The following ANKFN1 variants were observed in gnomAD, a reference collection of about 807,000 sequenced individuals.
ANKFN1 encodes ankyrin repeat and fibronectin type III domain containing 1.
In ANKFN1, 74 loss-of-function variants were observed where a neutral mutation model predicts 108.7. The ratio of observed to expected loss-of-function variants is 0.68; its 90% CI spans 0.56 to 0.83. The LOEUF (loss-of-function observed/expected upper bound fraction) is 0.83. ANKFN1 is among the 40% of genes least tolerant of loss of function. The pLI is 0.00. For synonymous variants in ANKFN1, 547 were observed against 516.2 expected (o/e 1.06, Z -0.81); for missense variants, 1,505 against 1,382.3 (o/e 1.09, Z -1.41).
chr17:56,143,258 A>G (rs1380604703), intron 4 of ANKFN1, among the ~76,000 whole-genome samples: 1 of 152,194 alleles, frequency 6.6e-6, no homozygotes, highest in East Asian at 1.9e-4. Context: ...TATCAAAGGC[A>G]GTGGTGGAGA....
At chr17:56,423,624 G>T (rs2048475809) in intron 8 of ANKFN1, among the ~76,000 whole-genome samples, 1 of 151,908 alleles carries the variant, frequency 6.6e-6, no homozygotes, top group Non-Finnish European at 1.5e-5. Flanking sequence ...AAATTTTTCA[G>T]CTCTCAATCT....
intron 4 of ANKFN1, among the ~76,000 whole-genome samples, chr17:56,119,667 G>A (rs1355046578): frequency 6.6e-6 from 1 of 152,140 alleles, no homozygotes; most frequent in East Asian, 1.9e-4. Context: ...AATGATTTAT[G>A]TTCCAAGTTC....
intron 11 of ANKFN1, among the ~76,000 whole-genome samples, chr17:56,450,526 C>T (rs1198595369): frequency 6.6e-6 from 1 of 152,146 alleles, no homozygotes; most frequent in Non-Finnish European, 1.5e-5. Flanking sequence ...GATTTCCATT[C>T]CCAGATCTCT....
intron 4 of ANKFN1, among the ~76,000 whole-genome samples, chr17:56,094,650 C>T (rs1342253830): frequency 3.6e-5 from 4 of 110,776 alleles, no homozygotes; most frequent in Non-Finnish European, 8.3e-5. Flanking sequence ...ACTACAGGCG[C>T]ACACCACCAC....
chr17:56,165,797 G>A (rs1910086789), intron 1 of ANKFN1, among the ~76,000 whole-genome samples: 1 of 152,080 alleles, frequency 6.6e-6, no homozygotes, highest in Non-Finnish European at 1.5e-5. Context: ...CCAGAACAGG[G>A]ATCTGATTCT....
At chr17:56,091,056 A>C (rs893865571) in intron 4 of ANKFN1, among the ~76,000 whole-genome samples, 3 of 151,364 alleles carry the variant, frequency 2.0e-5, no homozygotes, top group Middle Eastern at 3.4e-3. Flanking sequence ...CTGGTGCACT[A>C]TTTATTCTTG....
rs755996193 is a variant in ANKFN1, at chr17:56,084,159, A to G, written c.288+37834A>G. Reference sequence around the variant, plus strand: ...ATCGAAATTTCTCAATATTTAAGAAAGAAATAGGCACCCTCTAGAGACATA... The same window carrying G: ...ATCGAAATTTCTCAATATTTAAGAAGGAAATAGGCACCCTCTAGAGACATA... On this transcript the variant is annotated intron_variant, in intron 4 of 12. Transcript: ENST00000635860. Among the ~76,000 whole-genome samples, 3 of 151,160 alleles carry G rather than the reference A, an allele frequency of 2.0e-5. No homozygotes were observed. In the South Asian group the frequency reaches 6.3e-4, roughly 32 times the overall value.
intron 4 of ANKFN1, among the ~76,000 whole-genome samples, chr17:56,327,196 A>G (rs1471993666): frequency 6.6e-6 from 1 of 152,188 alleles, no homozygotes; most frequent in African/African-American, 2.4e-5. Context: ...AATAAGAGGT[A>G]GGCCAACCTC....
At chr17:56,093,989 T>C (rs2143201056) in intron 4 of ANKFN1, among the ~76,000 whole-genome samples, 1 of 151,434 alleles carries the variant, frequency 6.6e-6, no homozygotes, top group African/African-American at 2.4e-5. Flanking sequence ...ATAATTTCTG[T>C]CCTTATAAAA....
intron 4 of ANKFN1, among the ~76,000 whole-genome samples, chr17:56,062,573 T>TTTTTTTTTTTTTC (rs1555589520): frequency 6.9e-5 from 10 of 145,220 alleles, no homozygotes; most frequent in African/African-American, 2.8e-4. Flanking sequence ...TTTTTTTTTT[T>TTTTTTTTTTTTTC]CTTTCCATTT....
intron 3 of ANKFN1, among the ~76,000 whole-genome samples, chr17:56,313,855 C>T (rs1267093145): frequency 6.6e-6 from 1 of 152,134 alleles, no homozygotes; most frequent in Non-Finnish European, 1.5e-5. Context: ...ACCCCCTAAC[C>T]AACACCTAAA....
At chr17:56,208,392 A>G (rs984310900) in intron 1 of ANKFN1, among the ~76,000 whole-genome samples, 2 of 152,192 alleles carry the variant, frequency 1.3e-5, no homozygotes, top group African/African-American at 2.4e-5. Context: ...TATGTGCATT[A>G]TAGGATTTTT....
At chr17:56,484,958 C>G (rs2050813691) in intron 18 of ANKFN1, among the ~76,000 whole-genome samples, 1 of 152,164 alleles carries the variant, frequency 6.6e-6, no homozygotes, top group African/African-American at 2.4e-5. Flanking sequence ...AATATCCTCT[C>G]TAGCCTGTTT....
chr17:56,363,149 G>A (rs543745927), intron 6 of ANKFN1, among the ~76,000 whole-genome samples: 104 of 152,086 alleles, frequency 6.8e-4, no homozygotes, highest in Non-Finnish European at 1.2e-3. Flanking sequence ...GCTTGAACAC[G>A]GGAGGCACAG....
intron 1 of ANKFN1, among the ~76,000 whole-genome samples, chr17:56,186,259 T>C (rs578168249): frequency 1.3e-5 from 2 of 152,336 alleles, no homozygotes; most frequent in African/African-American, 4.8e-5. Flanking sequence ...ACATATGCTT[T>C]TTAGTCACCT....
At chr17:56,057,108 TC>T (rs1250920864) in intron 4 of ANKFN1, among the ~76,000 whole-genome samples, 1 of 152,192 alleles carries the variant, frequency 6.6e-6, no homozygotes, top group East Asian at 1.9e-4. Flanking sequence ...AAGAAACAAC[TC>T]CTCATCTACT....
At chr17:56,488,933 C>G (rs775541807) in intron 18 of ANKFN1, among the ~76,000 whole-genome samples, 2 of 152,214 alleles carry the variant, frequency 1.3e-5, no homozygotes, top group Non-Finnish European at 2.9e-5. Flanking sequence ...TATTTTGTAT[C>G]AGGTATGTGC....
intron 9 of ANKFN1, among the ~76,000 whole-genome samples, chr17:56,441,032 A>G (rs756471148): frequency 1.6e-4 from 24 of 152,182 alleles, no homozygotes; most frequent in Non-Finnish European, 2.6e-4. Context: ...TATAAACTCA[A>G]AAGTTAATTA....
chr17:56,502,814 T>C (rs1463390451), intron 20 of ANKFN1, among the ~76,000 whole-genome samples: 2 of 152,220 alleles, frequency 1.3e-5, no homozygotes, highest in Non-Finnish European at 2.9e-5. Context: ...ATCACAAACC[T>C]AGCCTCTGAT....
Sources: gnomAD v4.1 joint callset for allele counts (sites outside exome capture counted in the v4.1 genomes callset) on GRCh38, gnomAD v4.1.1 for gene constraint, MANE v1.5 for transcripts, NCBI Gene and HGNC (gene_info 2026-07-23, HGNC 2026-07-21) for gene names.